Variants in TMEM132A observed in about 807,000 individuals in gnomAD.
TMEM132A encodes the protein transmembrane protein 132A.
Under a neutral mutation model 69.9 loss-of-function variants are expected in TMEM132A, and 48 were observed. The ratio of observed to expected loss-of-function variants is 0.69; its 90% CI spans 0.55 to 0.87. The LOEUF is 0.87. Among genes scored for constraint, TMEM132A ranks in the 40% least tolerant of loss-of-function variants. The probability of loss-of-function intolerance (pLI) is 0.00; values close to 1 mark genes in which losing one functional copy is unlikely to be tolerated. For synonymous variants in TMEM132A, 577 were observed against 613.7 expected (o/e 0.94, Z 0.88); for missense variants, 1,287 against 1,407.2 (o/e 0.91, Z 1.37).
At chr11:60,929,248 A>T (rs1798331211) in intron 4 of TMEM132A, among the ~76,000 whole-genome samples, 1 of 152,210 alleles carries the variant, frequency 6.6e-6, no homozygotes, top group Non-Finnish European at 1.5e-5. Context: ...GGGCAGCTGC[A>T]AGTCTCCAGG....
chr11:60,933,330 G>GT, intron 7 of TMEM132A: 1 of 578,920 alleles, frequency 1.7e-6, no homozygotes, highest in Non-Finnish European at 3.1e-6. Flanking sequence ...CTACAGGCAT[G>GT]TGCCACCACA....
In TMEM132A at chr11:60,933,571, G is replaced by C; in HGVS notation, c.1386G>C (p.Val462=). ...CTGAGGCCTGTGATGCCGTGTTCGT[G>C]GCTGGCAAGGAGAGCCGGGGCGCCC... is the stretch of plus-strand genomic sequence containing the variant. ...QVSEACDAVF[V]AGKESRGARG... is the part of the protein sequence containing the mutation. The change falls in exon 8 of 11, where the codon GTG becomes GTC. Residue 462 remains valine, a synonymous_variant. Transcript: ENST00000453848. 1 of 1,607,850 alleles carries C rather than the reference G, an allele frequency of 6.2e-7. No homozygotes were observed. The highest frequency in any genetic ancestry group is 1.1e-5 in the South Asian group (1 of 90,878).
At chr11:60,930,075 T>A (rs966752193) in intron 4 of TMEM132A, among the ~76,000 whole-genome samples, 6 of 152,084 alleles carry the variant, frequency 3.9e-5, no homozygotes, top group African/African-American at 1.4e-4. Context: ...GGTCTGTGAG[T>A]TGTTGGAGGC....
intron 5 of TMEM132A, among the ~76,000 whole-genome samples, chr11:60,931,193 G>A (rs1856472976): frequency 6.6e-6 from 1 of 152,218 alleles, no homozygotes; most frequent in African/African-American, 2.4e-5. Context: ...TGTGAAATAG[G>A]AATAATAATG....
At chr11:60,928,392 G>A (rs1306612386) in intron 3 of TMEM132A, among the ~76,000 whole-genome samples, 1 of 152,178 alleles carries the variant, frequency 6.6e-6, no homozygotes, top group Non-Finnish European at 1.5e-5. Context: ...ACTTTGTAAT[G>A]AGACCTATCC....
rs1565123396 is a variant in TMEM132A, at chr11:60,935,889, CCTT to C, written c.2057_2059del (p.Phe686del). 1.2e-6 allele frequency: 2 copies of C among 1,612,082 alleles called. No homozygotes were observed. Among genetic ancestry groups the C allele is most frequent in the Non-Finnish European group, 1.7e-6 (2 of 1,179,992 alleles). On this transcript the variant is annotated inframe_deletion, in exon 11 of 11. Transcript: ENST00000453848. This position sits in a 1 kb window ranked among gnomAD's most constrained non-coding sequence, Gnocchi z 5.0. ...GAGGTGGCCCTCTCCCTATGGCTGT[CCTT>C]CTCTGATCACACTGTGGCCCCAGCT...
Position 60,927,137 on chromosome 11 carries a change from A to C in TMEM132A, c.101-67A>C, listed in dbSNP as rs781203697. The C allele has an allele frequency of 2.2e-5, 30 of 1,373,898 alleles. No individual in the cohort carries two copies. The East Asian group carries it at 4.6e-4, about 21-fold the overall frequency. The allele number at this position is 1,373,898 out of a possible 1,614,324, so 85.1% of individuals were successfully genotyped here. ...TTGCCCACAACTACTGTGCCCCAGC[A>C]TGGCACCCGGGTCAGCCCCTGCCAG... On this transcript the variant is annotated intron_variant, in intron 1 of 10. Coordinates refer to ENST00000453848, the MANE Select transcript of TMEM132A (RefSeq NM_178031.3).
Position 60,928,741 on chromosome 11 carries a change from C to T in TMEM132A, c.647C>T (p.Pro216Leu), listed in dbSNP as rs370425430. The change falls in exon 4 of 11, where the codon CCT (proline) becomes CTT (leucine). Residue 216 changes from proline to leucine, a missense_variant. Pro to Leu is a moderately conservative substitution (Grantham distance 98). Transcript: ENST00000453848. ...ACGCTTGAGCCTGCAGCTGAGGGCC[C>T]TGGGGGCTGTGGCTCCGGCGAGGAG... ...AYTLEPAAEG[P>L]GGCGSGEEND... The T allele has an allele frequency of 2.5e-6, 4 of 1,609,560 alleles. No individual in the cohort carries two copies. The highest frequency in any genetic ancestry group is 2.7e-5 in the African/African-American group (2 of 75,006).
intron 4 of TMEM132A, 42 bp from the exon 5 acceptor site, chr11:60,930,468 A>T (rs1442505454): frequency 1.3e-6 from 2 of 1,548,122 alleles, no homozygotes; most frequent in South Asian, 2.5e-5. Flanking sequence ...CCCACAGTTC[A>T]GCATGCACCT....
chr11:60,933,906 C>T (rs1298374835), intron 8 of TMEM132A, 162 bp downstream of exon 8: 4 of 647,366 alleles, frequency 6.2e-6, no homozygotes, highest in Non-Finnish European at 1.0e-5. Context: ...AGCCAATGAT[C>T]GCTTTCTGTG....
chr11:60,934,904 G>C, intron 9 of TMEM132A, 140 bp downstream of exon 9: 1 of 937,670 alleles, frequency 1.1e-6, no homozygotes, highest in Non-Finnish European at 1.5e-6. Flanking sequence ...GAGTGCAGTG[G>C]GATTGGGGAT....
In TMEM132A at chr11:60,931,993, C is replaced by T. The variant is rs1214241077; in HGVS notation, c.1222C>T (p.Leu408=). ...CCTCCTCCACCCCCAGGCTGAGGAG[C>T]TGGTGAATACAGCACCACTGACTGG... ...ALIPLAKAEE[L]VNTAPLTGVP... The change falls in exon 7 of 11, where the codon CTG becomes TTG. Residue 408 remains leucine, a synonymous_variant. Coordinates refer to ENST00000453848, the MANE Select transcript of TMEM132A (RefSeq NM_178031.3). The T allele has an allele frequency of 6.2e-7, 1 of 1,606,784 alleles. No individual in the cohort carries two copies. Among genetic ancestry groups the T allele is most frequent in the Non-Finnish European group, 8.5e-7 (1 of 1,176,596 alleles).
chr11:60,930,579 G>A lies in TMEM132A; in HGVS notation c.936G>A (p.Lys312=). 1 of 1,613,476 alleles carries A rather than the reference G, an allele frequency of 6.2e-7. No homozygotes were observed. The stretch of plus-strand genomic sequence containing the variant: ...CCCAGCCCACACTCTGGACTGCCAA[G>A]CTGGACCGCTTCAAGGGCTCCAGGC... ...RPAQPTLWTA[K]LDRFKGSRHH... The change falls in exon 5 of 11, where the codon AAG becomes AAA. Residue 312 remains lysine, a synonymous_variant. Coordinates refer to ENST00000453848, the MANE Select transcript of TMEM132A (RefSeq NM_178031.3).
intron 4 of TMEM132A, among the ~76,000 whole-genome samples, chr11:60,929,672 T>C (rs1463088516): frequency 6.6e-6 from 1 of 152,196 alleles, no homozygotes; most frequent in East Asian, 1.9e-4. Flanking sequence ...ATGATATCTT[T>C]CCTGAGGATC....
chr11:60,936,477 C>A lies in TMEM132A; in HGVS notation c.2642C>A (p.Pro881His), dbSNP rs778508543. 2 of 1,614,174 alleles carry A rather than the reference C, an allele frequency of 1.2e-6. No homozygotes were observed. Among genetic ancestry groups the A allele is most frequent in the Non-Finnish European group, 1.7e-6 (2 of 1,180,018 alleles). ...CTGCGCTATCAGCGCAAAGAACCTCCCGACAGTGCCACTGACCCCACCTCC... is the reference window on the plus strand; with the variant it reads ...CTGCGCTATCAGCGCAAAGAACCTCACGACAGTGCCACTGACCCCACCTCC... ...FVLRYQRKEP[P>H]DSATDPTSPQ... is the part of the protein sequence containing the mutation. The change falls in exon 11 of 11, where the codon CCC becomes CAC. Residue 881 changes from proline to histidine, a missense_variant. Transcript: ENST00000453848.
intron 1 of TMEM132A, chr11:60,926,650 G>A (rs116669378): frequency 1.2e-4 from 21 of 173,250 alleles, no homozygotes; most frequent in African/African-American, 3.6e-4. Flanking sequence ...TTCCGCGCCC[G>A]CCCATCCCAC....
rs749145764 is a variant in TMEM132A, at chr11:60,936,788, G to C, written c.2953G>C (p.Ala985Pro). The C allele has an allele frequency of 1.2e-6, 2 of 1,613,402 alleles. No homozygotes were observed. Among genetic ancestry groups the C allele is most frequent in the Non-Finnish European group, 1.7e-6 (2 of 1,179,760 alleles). The change falls in exon 11 of 11, where the codon GCT becomes CCT. Residue 985 changes from alanine (A) to proline (P), a missense_variant. Transcript: ENST00000453848. Reference protein sequence around the residue: ...QSPEEPVGAPAVQSILVAGEE... With the variant: ...QSPEEPVGAPPVQSILVAGEE... ...ACCTGAGGAGCCTGTAGGGGCCCCT[G>C]CTGTGCAGTCCATCCTTGTGGCAGG...
Position 60,936,713 on chromosome 11 carries a change from C to T in TMEM132A, c.2878C>T (p.Arg960Trp), listed in dbSNP as rs900125822. The T allele has an allele frequency of 1.1e-5, 18 of 1,577,356 alleles. No homozygotes were observed. Among genetic ancestry groups the T allele is most frequent in the African/African-American group, 2.7e-5 (2 of 73,560 alleles). Residue 960 changes from arginine (R) to tryptophan (W), a missense_variant, in exon 11 of 11, where the codon CGG (arginine) becomes TGG (tryptophan). By Grantham distance (101) the Arg-to-Trp change is moderately radical. Coordinates refer to ENST00000453848, the MANE Select transcript of TMEM132A (RefSeq NM_178031.3). ...GGCCCGAAAGGAGGCTGGGGGGCGG[C>T]GGAAGCGAGTAGAGTTTGTGACATT... ...TLARKEAGGRRKRVEFVTFAP... is the reference protein window; with the variant it reads ...TLARKEAGGRWKRVEFVTFAP...
In TMEM132A at chr11:60,933,631, C is replaced by T; in HGVS notation, c.1446C>T (p.Leu482=). The T allele has an allele frequency of 6.2e-7, 1 of 1,605,692 alleles. No individual in the cohort carries two copies. The change falls in exon 8 of 11, where the codon CTC becomes CTT. Residue 482 remains leucine, a synonymous_variant. Coordinates refer to ENST00000453848, the MANE Select transcript of TMEM132A (RefSeq NM_178031.3). ...GVRVDFWWRR[L]RASLRLTVWA... ...GAGTGGACTTCTGGTGGCGCCGGCT[C>T]CGCGCCTCGCTGCGGCTGACCGTGT...
Sources: gnomAD v4.1 joint callset for allele counts (sites outside exome capture counted in the v4.1 genomes callset) on GRCh38, gnomAD v4.1.1 for gene constraint, Gnocchi (gnomAD v3.1) non-coding constraint, MANE v1.5 for transcripts, NCBI Gene and HGNC (gene_info 2026-07-23, HGNC 2026-07-21) for gene names.